Variants in CCDC73 observed in about 807,000 individuals in gnomAD.
CCDC73 encodes coiled-coil domain containing 73.
CCDC73 carries 95 observed loss-of-function variants against 116.5 expected under a neutral mutation model. That is an observed-to-expected ratio of 0.82 (90% confidence interval 0.69 to 0.97). The LOEUF is 0.97. CCDC73 is among the 50% of genes least tolerant of loss of function. The pLI is 0.00. For synonymous variants in CCDC73, 398 were observed against 401.3 expected (o/e 0.99, Z 0.10); for missense variants, 1,066 against 1,206.8 (o/e 0.88, Z 1.73).
intron 4 of CCDC73, among the ~76,000 whole-genome samples, chr11:32,701,464 G>A (rs1033140840): frequency 2.0e-5 from 3 of 152,150 alleles, no homozygotes; most frequent in Non-Finnish European, 2.9e-5. Flanking sequence ...ACTTTGGGAA[G>A]CTGAGGCAAG....
intron 1 of CCDC73, among the ~76,000 whole-genome samples, chr11:32,770,945 A>T (rs1850488416): frequency 6.6e-6 from 1 of 152,178 alleles, no homozygotes; most frequent in Non-Finnish European, 1.5e-5. Context: ...ATAAATATCA[A>T]AACACAGGTA....
At chr11:32,795,293 A>AC (rs1203147710), upstream of CCDC73, among the ~76,000 whole-genome samples, 2 of 151,134 alleles carry the variant, frequency 1.3e-5, no homozygotes, top group African/African-American at 2.4e-5. Flanking sequence ...ACATGGTGAG[A>AC]CCCCCGTCTC....
chr11:32,635,964 T>A, intron 13 of CCDC73, 134 bp from the exon 14 acceptor site: 2 of 557,600 alleles, frequency 3.6e-6, no homozygotes, highest in Non-Finnish European at 4.9e-6. Context: ...TTACTAATAT[T>A]AAGAGCTACC....
At chr11:32,776,459 C>T (rs1850533104) in intron 1 of CCDC73, among the ~76,000 whole-genome samples, 1 of 152,002 alleles carries the variant, frequency 6.6e-6, no homozygotes, top group East Asian at 1.9e-4. Flanking sequence ...TAATCTTCTG[C>T]CCCCAAAAGA....
chr11:32,742,735 C>T (rs1330511153), intron 2 of CCDC73, among the ~76,000 whole-genome samples: 2 of 152,144 alleles, frequency 1.3e-5, no homozygotes, highest in East Asian at 1.9e-4. Flanking sequence ...TTGCCCACGC[C>T]TATGTCCTGA....
At chr11:32,797,475 C>T (rs1850734993), upstream of CCDC73, among the ~76,000 whole-genome samples, 1 of 152,198 alleles carries the variant, frequency 6.6e-6, no homozygotes, top group African/African-American at 2.4e-5. Context: ...AACACTTTCT[C>T]ATCCTTTAAA....
chr11:32,646,209 T>C (rs1855777674), intron 12 of CCDC73, among the ~76,000 whole-genome samples: 1 of 152,238 alleles, frequency 6.6e-6, no homozygotes, highest in African/African-American at 2.4e-5. Context: ...TTCAGTTTTT[T>C]GGAGACATCC....
chr11:32,690,797 C>G (rs531848703), intron 6 of CCDC73, among the ~76,000 whole-genome samples: 8 of 152,210 alleles, frequency 5.3e-5, no homozygotes, highest in Non-Finnish European at 1.0e-4. Context: ...TCAGGTAGCT[C>G]TTTATAGCAA....
At chr11:32,671,878 A>G (rs7129747) in intron 9 of CCDC73, among the ~76,000 whole-genome samples, 24,100 of 152,202 alleles carry the variant, frequency 0.16, 2,041 homozygotes, top group South Asian at 0.27. Context: ...AGGTAGCCCT[A>G]GCCTAGGCCC....
chr11:32,684,786 C>T (rs1035082901), intron 6 of CCDC73, among the ~76,000 whole-genome samples: 1 of 151,974 alleles, frequency 6.6e-6, no homozygotes, highest in Admixed American at 6.6e-5. Context: ...AGTTCAAAAC[C>T]AACCTGGGCA....
At chr11:32,685,553 A>G (rs1856190201) in intron 6 of CCDC73, among the ~76,000 whole-genome samples, 1 of 152,070 alleles carries the variant, frequency 6.6e-6, no homozygotes, top group Non-Finnish European at 1.5e-5. Flanking sequence ...GCTGAAAGAC[A>G]ATAAGCAAGG....
chr11:32,655,068 T>C, intron 9 of CCDC73, 96 bp from the exon 10 acceptor site: 1 of 251,914 alleles, frequency 4.0e-6, no homozygotes, highest in East Asian at 3.8e-5. Flanking sequence ...CTTAAGCCTA[T>C]AATTATAATT....
At chr11:32,629,644 C>T (rs1386903848) in intron 14 of CCDC73, among the ~76,000 whole-genome samples, 1 of 151,816 alleles carries the variant, frequency 6.6e-6, no homozygotes, top group African/African-American at 2.4e-5. Flanking sequence ...ATGATCTGCC[C>T]GCCTTGGCCT....
intron 2 of CCDC73, among the ~76,000 whole-genome samples, chr11:32,740,035 T>A (rs1183032500): frequency 6.6e-6 from 1 of 152,156 alleles, no homozygotes; most frequent in East Asian, 1.9e-4. Context: ...TCCCACTTGG[T>A]CATGATAAAT....
chr11:32,770,907 A>G (rs999700323), intron 1 of CCDC73, among the ~76,000 whole-genome samples: 2 of 152,230 alleles, frequency 1.3e-5, no homozygotes, highest in African/African-American at 2.4e-5. Flanking sequence ...CCAATCAACA[A>G]AAGTTTTCAC....
At chr11:32,771,957 A>G (rs1406415839) in intron 1 of CCDC73, among the ~76,000 whole-genome samples, 1 of 152,230 alleles carries the variant, frequency 6.6e-6, no homozygotes, top group East Asian at 1.9e-4. Flanking sequence ...CGAGAAGTTC[A>G]GAATCAAAGA....
the CCDC73 span, among the ~76,000 whole-genome samples, chr11:32,817,220 G>A: frequency 1.3e-5 from 2 of 152,224 alleles, no homozygotes; most frequent in East Asian, 3.9e-4. Flanking sequence ...AAACGTCAAC[G>A]CAATGAACAT....
chr11:32,626,509 A>G (rs1274888465), intron 14 of CCDC73, among the ~76,000 whole-genome samples: 4 of 152,164 alleles, frequency 2.6e-5, no homozygotes, highest in Admixed American at 6.5e-5. Context: ...AAAAGAGCCC[A>G]CATTGCCAAG....
chr11:32,726,387 T>G (rs1323122840), intron 2 of CCDC73, among the ~76,000 whole-genome samples: 1 of 151,992 alleles, frequency 6.6e-6, no homozygotes, highest in East Asian at 1.9e-4. Context: ...ATATTAGAAC[T>G]GAAAAATATA....
Sources: gnomAD v4.1 joint callset for allele counts (sites outside exome capture counted in the v4.1 genomes callset) on GRCh38, gnomAD v4.1.1 for gene constraint, MANE v1.5 for transcripts, NCBI Gene and HGNC (gene_info 2026-07-23, HGNC 2026-07-21) for gene names.